NALF1: variants seen among roughly 807,000 people sequenced by gnomAD.
The protein encoded by NALF1 is NALCN channel auxiliary factor 1.
Under a neutral mutation model 48.4 loss-of-function variants are expected in NALF1, and 3 were observed. The observed-to-expected ratio is 0.06, with a 90% CI of 0.03 to 0.16. NALF1 has a LOEUF of 0.16. Among genes scored for constraint, NALF1 ranks in the 10% least tolerant of loss-of-function variants. The pLI is 1.00. For synonymous variants in NALF1, 262 were observed against 245.7 expected (o/e 1.07, Z -0.62); for missense variants, 526 against 571.5 (o/e 0.92, Z 0.81).
intron 1 of NALF1, among the ~76,000 whole-genome samples, chr13:107,606,827 G>A (rs941526030): frequency 6.6e-6 from 1 of 152,194 alleles, no homozygotes; most frequent in African/African-American, 2.4e-5. Context: ...TGAGGCACCA[G>A]TGATTTAGAG....
At chr13:107,232,692 C>T (rs1880252684) in intron 1 of NALF1, among the ~76,000 whole-genome samples, 1 of 152,184 alleles carries the variant, frequency 6.6e-6, no homozygotes, top group African/African-American at 2.4e-5. Context: ...CTTGCTTGGG[C>T]TGGATGCGGA....
chr13:107,613,204 T>C (rs1388493740), intron 1 of NALF1, among the ~76,000 whole-genome samples: 1 of 152,186 alleles, frequency 6.6e-6, no homozygotes, highest in African/African-American at 2.4e-5. Flanking sequence ...TTTTTCCTAA[T>C]GAAATTGCAA....
At chr13:107,601,939 C>T (rs1878941949) in intron 1 of NALF1, among the ~76,000 whole-genome samples, 1 of 152,134 alleles carries the variant, frequency 6.6e-6, no homozygotes, top group South Asian at 2.1e-4. Flanking sequence ...TCTCCCACTT[C>T]CCTATCCTTT....
chr13:107,378,599 T>A (rs1413690042), intron 1 of NALF1, among the ~76,000 whole-genome samples: 1 of 152,216 alleles, frequency 6.6e-6, no homozygotes, highest in Non-Finnish European at 1.5e-5. Context: ...CCATAAATAC[T>A]ATGAGATTTT....
At chr13:107,375,996 T>C (rs1883329469) in intron 1 of NALF1, among the ~76,000 whole-genome samples, 1 of 151,898 alleles carries the variant, frequency 6.6e-6, no homozygotes, top group South Asian at 2.1e-4. Flanking sequence ...TACTACAGAA[T>C]GGTGTTTTGA....
intron 1 of NALF1, among the ~76,000 whole-genome samples, chr13:107,646,544 C>T (rs2138463813): frequency 6.6e-6 from 1 of 152,218 alleles, no homozygotes; most frequent in South Asian, 2.1e-4. Context: ...TGACTCAACG[C>T]ATTGTTGATT....
At chr13:107,231,419 T>C (rs1033285334) in intron 1 of NALF1, among the ~76,000 whole-genome samples, 10 of 152,314 alleles carry the variant, frequency 6.6e-5, no homozygotes, top group African/African-American at 1.7e-4. Flanking sequence ...CTCTTCATGG[T>C]TTATAATACT....
intron 2 of NALF1, among the ~76,000 whole-genome samples, chr13:107,181,660 G>A (rs1319698354): frequency 1.4e-5 from 2 of 138,378 alleles, no homozygotes; most frequent in Non-Finnish European, 3.1e-5. Context: ...ATGCTTAATC[G>A]CTATTTTAAT....
rs61473619 is a variant in NALF1 at position 107,362,707 on chromosome 13, C to T, written c.916-151952G>A. On this transcript the variant is annotated intron_variant, in intron 1 of 2. Coordinates refer to ENST00000375915, the MANE Select transcript of NALF1 (RefSeq NM_001080396.3). The surrounding 1 kb of genome is among the most constrained non-coding windows in gnomAD (Gnocchi z 4.6). ...TGCTGGGGGGACACAATTCTACCAC[C>T]GACAAGTGTCTGGAGGGATGTGGAG... Among the ~76,000 whole-genome samples the T allele has an allele frequency of 1.3e-5, 2 of 152,124 alleles. No individual in the cohort carries two copies. Among genetic ancestry groups the T allele is most frequent in the Middle Eastern group, 3.4e-3 (1 of 294 alleles).
intron 1 of NALF1, among the ~76,000 whole-genome samples, chr13:107,700,239 C>T (rs1881787864): frequency 6.6e-6 from 1 of 151,780 alleles, no homozygotes; most frequent in Admixed American, 6.6e-5. Flanking sequence ...CATCAAAATT[C>T]CTGGTTAAAA....
At chr13:107,250,027 T>A (rs16969938) in intron 1 of NALF1, among the ~76,000 whole-genome samples, 19,069 of 151,600 alleles carry the variant, frequency 0.13, 1,570 homozygotes, top group East Asian at 0.4. Context: ...AAACAGATTC[T>A]CTAGGGGTTT....
chr13:107,497,513 C>G (rs533563763), intron 1 of NALF1, among the ~76,000 whole-genome samples: 1 of 152,296 alleles, frequency 6.6e-6, no homozygotes, highest in South Asian at 2.1e-4. Context: ...GGTTTATCTG[C>G]CATGCTCAGG....
At chr13:107,252,815 T>G (rs1050826505) in intron 1 of NALF1, among the ~76,000 whole-genome samples, 1 of 152,196 alleles carries the variant, frequency 6.6e-6, no homozygotes, top group Non-Finnish European at 1.5e-5. Context: ...CACCTGTTCT[T>G]AAAGCCCAAA....
intron 1 of NALF1, among the ~76,000 whole-genome samples, chr13:107,722,010 A>G (rs1316612273): frequency 2.0e-5 from 3 of 152,188 alleles, no homozygotes; most frequent in Non-Finnish European, 4.4e-5. Context: ...GTTTAAGACG[A>G]TTATTAACTT....
chr13:107,522,659 A>G (rs1194984545), intron 1 of NALF1, among the ~76,000 whole-genome samples: 23 of 151,678 alleles, frequency 1.5e-4, no homozygotes, highest in Admixed American at 1.5e-3. Flanking sequence ...ACTGTACTGC[A>G]GTGGTGTGAT....
At chr13:107,300,400 T>C (rs1881814932) in intron 1 of NALF1, among the ~76,000 whole-genome samples, 2 of 152,214 alleles carry the variant, frequency 1.3e-5, no homozygotes, top group East Asian at 3.9e-4. Context: ...TCAGATGTGC[T>C]TGTTGTTTCA....
chr13:107,623,130 T>C (rs777212201), intron 1 of NALF1, among the ~76,000 whole-genome samples: 2 of 152,134 alleles, frequency 1.3e-5, no homozygotes, highest in Non-Finnish European at 2.9e-5. Context: ...TCCCTCATAA[T>C]TTTGCATGGT....
chr13:107,623,071 T>A (rs747437745), intron 1 of NALF1, among the ~76,000 whole-genome samples: 20 of 152,144 alleles, frequency 1.3e-4, no homozygotes, highest in Non-Finnish European at 2.8e-4. Flanking sequence ...ATGTCATGAG[T>A]TCTCATCCAA....
chr13:107,478,111 C>G (rs1159944565), intron 1 of NALF1, among the ~76,000 whole-genome samples: 1 of 152,146 alleles, frequency 6.6e-6, no homozygotes, highest in Non-Finnish European at 1.5e-5. Context: ...TTTAGTCTGT[C>G]TAACTCTTAT....
Sources: allele counts gnomAD v4.1 joint callset (sites outside exome capture counted in the v4.1 genomes callset), GRCh38; gene constraint gnomAD v4.1.1; non-coding constraint Gnocchi (gnomAD v3.1); transcripts MANE v1.5; gene names NCBI Gene and HGNC (gene_info 2026-07-23, HGNC 2026-07-21).